GP1BA: variants seen among roughly 807,000 people sequenced by gnomAD.
GP1BA encodes the protein platelet glycoprotein Ib alpha chain.
Under a neutral mutation model 5.6 loss-of-function variants are expected in GP1BA, and 3 were observed. The ratio of observed to expected loss-of-function variants is 0.53; its 90% CI spans 0.24 to 1.38. The LOEUF is 1.38. Ranked by LOEUF, GP1BA falls within the 40% of genes most tolerant of loss-of-function variation. GP1BA has a pLI of 0.16. For synonymous variants in GP1BA, 323 were observed against 358.3 expected, an observed-to-expected ratio of 0.90 and a Z score of 1.11; for missense variants, 707 against 801.4, an observed-to-expected ratio of 0.88 and a Z score of 1.42.
rs1406790840 is a variant in GP1BA, at chr17:4,934,104, G to T, written c.1500G>T (p.Gln500His). 6.2e-7 allele frequency: 1 copy of T among 1,613,752 alleles called. No individual in the cohort carries two copies. The highest frequency in any genetic ancestry group is 1.1e-5 in the South Asian group (1 of 91,086). Residue 500 changes from glutamine (Q) to histidine (H), a missense_variant, in exon 2 of 2, where the codon CAG (glutamine) becomes CAT (histidine). This residue lies in a region of GP1BA where 247 missense variants were observed against 246.6 expected (regional missense o/e 1.00). Transcript: ENST00000329125. ...AAAAAACCATCCCTGAACTTGATCA[G>T]CCACCAAAGCTCCGTGGGGTGCTCC... ...STKKTIPELD[Q>H]PPKLRGVLQG...
Position 4,932,656 on chromosome 17 carries a change from C to G in GP1BA, c.52C>G (p.Pro18Ala). ...GCTGCCAAGCCCCTTACACCCCCAC[C>G]CCATCTGTGAGGTCTCCAAAGTGGC... Reference protein sequence around the residue: ...LLLPSPLHPHPICEVSKVASH... With the variant: ...LLLPSPLHPHAICEVSKVASH... Residue 18 changes from proline (P) to alanine (A), a missense_variant, in exon 2 of 2, where the codon CCC becomes GCC. Transcript: ENST00000329125. The surrounding 1 kb of genome is among the most constrained non-coding windows in gnomAD (Gnocchi z 4.8). The G allele has an allele frequency of 6.2e-7, 1 of 1,613,882 alleles. No homozygotes were observed. Among genetic ancestry groups the G allele is most frequent in the Non-Finnish European group, 8.5e-7 (1 of 1,179,834 alleles).
chr17:4,933,358 G>T lies in GP1BA; in HGVS notation c.754G>T (p.Val252Phe). ...NVYVWKQGVD[V>F]KAMTSNVASV... ...CTACGTATGGAAGCAAGGTGTGGAC[G>T]TCAAGGCCATGACCTCTAACGTGGC... Residue 252 changes from valine (V) to phenylalanine (F), a missense_variant, in exon 2 of 2, where the codon GTC (valine) becomes TTC (phenylalanine). Transcript: ENST00000329125. 1.2e-6 allele frequency: 2 copies of T among 1,613,950 alleles called. No individual in the cohort carries two copies. The highest frequency in any genetic ancestry group is 1.7e-6 in the Non-Finnish European group (2 of 1,179,858).
In GP1BA at chr17:4,933,879, GCC is replaced by G; in HGVS notation, c.1277_1278del (p.Pro426HisfsTer71). 1.1e-6 allele frequency: 1 copy of G among 888,282 alleles called. No individual in the cohort carries two copies. 55.0% of individuals were successfully genotyped at this position (888,282 alleles called of 1,614,324 possible). Reference protein sequence around the residue: ...EPAPSPTTPEPTSEPAPSPTT... With the variant: ...EPAPSPTTPEXTSEPAPSPTT... ...CCGCCCCCAGCCCGACCACCCCGGA[GCC>G]CACCTCAGAGCCCGCCCCCAGCCCG... On this transcript the variant is annotated frameshift_variant, in exon 2 of 2. Transcript: ENST00000329125. LOFTEE classifies it low-confidence loss of function (END_TRUNC).
At position 4,933,895 on chromosome 17, in the gene GP1BA, G is replaced by A. The variant is rs1379346895; in HGVS notation, c.1291G>A (p.Ala431Thr). 7 of 188,526 alleles carry A rather than the reference G, an allele frequency of 3.7e-5. No homozygotes were observed. Among genetic ancestry groups the A allele is most frequent in the Admixed American group, 2.5e-4 (2 of 7,918 alleles). The allele number at this position is 188,526 out of a possible 1,614,324, so 11.7% of individuals were successfully genotyped here. A position where few individuals can be genotyped will look rare whatever the true frequency, so the allele number is the denominator to read the frequency against. ...CACCCCGGAGCCCACCTCAGAGCCC[G>A]CCCCCAGCCCGACCACCCCAGAGCC... ...PTTPEPTSEP[A>T]PSPTTPEPTS... The change falls in exon 2 of 2, where the codon GCC becomes ACC. Residue 431 changes from alanine to threonine, a missense_variant. Coordinates refer to ENST00000329125, the MANE Select transcript of GP1BA (RefSeq NM_000173.7).
rs1015977117 is a variant in GP1BA, at chr17:4,934,123, G to A, written c.1519G>A (p.Val507Met). The change falls in exon 2 of 2, where the codon GTG becomes ATG. Residue 507 changes from valine to methionine, a missense_variant. Around this residue, in one of 3 missense-constraint regions of GP1BA, gnomAD observed 247 missense variants for 246.6 expected, o/e 1.00. Transcript: ENST00000329125. Reference sequence around the variant, plus strand: ...TGATCAGCCACCAAAGCTCCGTGGGGTGCTCCAAGGGCATTTGGAGAGCTC... The same window carrying A: ...TGATCAGCCACCAAAGCTCCGTGGGATGCTCCAAGGGCATTTGGAGAGCTC... ...ELDQPPKLRG[V>M]LQGHLESSRN... The A allele has an allele frequency of 3.1e-6, 5 of 1,613,812 alleles. No individual in the cohort carries two copies. Among genetic ancestry groups the A allele is most frequent in the Admixed American group, 3.3e-5 (2 of 60,030 alleles).
In GP1BA at chr17:4,933,148, G is replaced by A; in HGVS notation, c.544G>A (p.Gly182Arg). Residue 182 changes from glycine to arginine, a missense_variant, in exon 2 of 2, where the codon GGG (glycine) becomes AGG (arginine). Physicochemically the swap from Gly to Arg is moderately radical, Grantham distance 125. Transcript: ENST00000329125. ...CAACAACTTGACTGAGCTCCCCGCT[G>A]GGCTCCTGAATGGGCTGGAGAATCT... The part of the protein sequence containing the change: ...ANNNLTELPA[G>R]LLNGLENLDT... 6.2e-7 allele frequency: 1 copy of A among 1,613,916 alleles called. No homozygotes were observed. Among genetic ancestry groups the A allele is most frequent in the Non-Finnish European group, 8.5e-7 (1 of 1,179,806 alleles).
In GP1BA at chr17:4,934,407, GC is replaced by G; in HGVS notation, c.1804del (p.Leu602PhefsTer21). 1 of 1,614,026 alleles carries G rather than the reference GC, an allele frequency of 6.2e-7. No individual in the cohort carries two copies. Among genetic ancestry groups the G allele is most frequent in the Non-Finnish European group, 8.5e-7 (1 of 1,179,912 alleles). On this transcript the variant is annotated frameshift_variant, in exon 2 of 2. Coordinates refer to ENST00000329125, the MANE Select transcript of GP1BA (RefSeq NM_000173.7). LOFTEE classifies it high-confidence loss of function. Reference protein sequence around the residue: ...RAWLLFLRGSLPTFRSSLFLW... With the variant: ...RAWLLFLRGSXPTFRSSLFLW... ...CCTGGCTGCTCTTCCTTCGAGGTTC[GC>G]TTCCCACTTTCCGCTCCAGCCTCTT...
At position 4,934,445 on chromosome 17, in the gene GP1BA, G is replaced by A. The variant is rs766380572; in HGVS notation, c.1841G>A (p.Arg614Gln). 6.7e-5 allele frequency: 108 copies of A among 1,613,910 alleles called. No individual in the cohort carries two copies. The highest frequency in any genetic ancestry group is 8.5e-5 in the Non-Finnish European group (100 of 1,179,904). Residue 614 changes from arginine to glutamine, a missense_variant, in exon 2 of 2, where the codon CGG becomes CAG. Arg to Gln is a conservative substitution (Grantham distance 43). This residue lies in a region of GP1BA where 247 missense variants were observed against 246.6 expected (regional missense o/e 1.00). Coordinates refer to ENST00000329125, the MANE Select transcript of GP1BA (RefSeq NM_000173.7). ...TFRSSLFLWVRPNGRVGPLVA... is the reference protein window; with the variant it reads ...TFRSSLFLWVQPNGRVGPLVA... Reference sequence around the variant, plus strand: ...CGCTCCAGCCTCTTCCTGTGGGTACGGCCTAATGGCCGTGTGGGGCCTCTA... The same window carrying A: ...CGCTCCAGCCTCTTCCTGTGGGTACAGCCTAATGGCCGTGTGGGGCCTCTA...
Position 4,933,575 on chromosome 17 carries a change from G to A in GP1BA, c.971G>A (p.Gly324Asp). ...FPTKAHTTPW[G>D]LFYSWSTASL... ...ACCAAAGCCCATACAACCCCCTGGG[G>A]TCTATTCTACTCATGGTCCACTGCT... The change falls in exon 2 of 2, where the codon GGT (glycine) becomes GAT (aspartate). Residue 324 changes from glycine (G) to aspartate (D), a missense_variant. By Grantham distance (94) the Gly-to-Asp change is moderately conservative. This residue lies in a region of GP1BA where 442 missense variants were observed against 498.8 expected (regional missense o/e 0.89). Transcript: ENST00000329125. 6.2e-7 allele frequency: 1 copy of A among 1,613,818 alleles called. No individual in the cohort carries two copies. Among genetic ancestry groups the A allele is most frequent in the South Asian group, 1.1e-5 (1 of 91,082 alleles).
rs1970382293 is a variant in GP1BA at position 4,933,901 on chromosome 17, AGCCCGACCACCCCAGAGCCCACC to A, written c.1298_1320del (p.Ser433IlefsTer57). 1 of 149,872 alleles carries A rather than the reference AGCCCGACCACCCCAGAGCCCACC, an allele frequency of 6.7e-6. No homozygotes were observed. The highest frequency in any genetic ancestry group is 9.8e-6 in the Non-Finnish European group (1 of 101,776). The allele number at this position is 149,872 out of a possible 1,614,324, so 9.3% of individuals were successfully genotyped here. On this transcript the variant is annotated frameshift_variant, in exon 2 of 2. Transcript: ENST00000329125. LOFTEE classifies it low-confidence loss of function (END_TRUNC). ...GGAGCCCACCTCAGAGCCCGCCCCCAGCCCGACCACCCCAGAGCCCACCTCAGAGCCCGCCCCCAGCCCGACCA... is the reference window on the plus strand; with the variant it reads ...GGAGCCCACCTCAGAGCCCGCCCCCATCAGAGCCCGCCCCCAGCCCGACCA...
rs368946807 is a variant in GP1BA at position 4,933,827 on chromosome 17, C to A, written c.1223C>A (p.Pro408Gln). The A allele has an allele frequency of 6.7e-7, 1 of 1,496,326 alleles. No individual in the cohort carries two copies. Among genetic ancestry groups the A allele is most frequent in the South Asian group, 1.3e-5 (1 of 77,556 alleles). The allele number at this position is 1,496,326 out of a possible 1,614,324, so 92.7% of individuals were successfully genotyped here. ...ACCACCCTGGAGCCCACTCCAAGCCCGACCACCCCAGAGCCCACCTCAGAG... is the reference window on the plus strand; with the variant it reads ...ACCACCCTGGAGCCCACTCCAAGCCAGACCACCCCAGAGCCCACCTCAGAG... ...NMTTLEPTPS[P>Q]TTPEPTSEPA... Residue 408 changes from proline to glutamine, a missense_variant, in exon 2 of 2, where the codon CCG (proline) becomes CAG (glutamine). Coordinates refer to ENST00000329125, the MANE Select transcript of GP1BA (RefSeq NM_000173.7).
chr17:4,932,629 C>A lies in GP1BA; in HGVS notation c.25C>A (p.Leu9Met). Residue 9 changes from leucine to methionine, a missense_variant, in exon 2 of 2, where the codon CTG becomes ATG. Leu to Met is a conservative substitution (Grantham distance 15). Coordinates refer to ENST00000329125, the MANE Select transcript of GP1BA (RefSeq NM_000173.7). This position sits in a 1 kb window ranked among gnomAD's most constrained non-coding sequence, Gnocchi z 4.8. ...CATGCCTCTCCTCCTCTTGCTGCTCCTGCTGCCAAGCCCCTTACACCCCCA... is the reference window on the plus strand; with the variant it reads ...CATGCCTCTCCTCCTCTTGCTGCTCATGCTGCCAAGCCCCTTACACCCCCA... The part of the protein sequence containing the change: MPLLLLLL[L>M]LPSPLHPHPI... The A allele has an allele frequency of 6.2e-7, 1 of 1,613,624 alleles. No individual in the cohort carries two copies. The highest frequency in any genetic ancestry group is 8.5e-7 in the Non-Finnish European group (1 of 1,179,618).
Position 4,932,291 on chromosome 17 carries a change from C to T in GP1BA, c.-81C>T. On this transcript the variant is annotated 5_prime_UTR_variant, in exon 1 of 2. Transcript: ENST00000329125. The surrounding 1 kb of genome is among the most constrained non-coding windows in gnomAD (Gnocchi z 4.8). Reference sequence around the variant, plus strand: ...GCCACTGGCTTAGTCCTCCATGGGGCTAGAAGAGAGAAGGACGGAGTCGAG... The same window carrying T: ...GCCACTGGCTTAGTCCTCCATGGGGTTAGAAGAGAGAAGGACGGAGTCGAG... The T allele has an allele frequency of 8.2e-7, 1 of 1,215,940 alleles. No homozygotes were observed. The highest frequency in any genetic ancestry group is 1.0e-6 in the Non-Finnish European group (1 of 966,512). 75.3% of individuals were successfully genotyped at this position (1,215,940 alleles called of 1,614,324 possible).
Position 4,932,946 on chromosome 17 carries a change from A to G in GP1BA, c.342A>G (p.Thr114=). 1 of 1,614,008 alleles carries G rather than the reference A, an allele frequency of 6.2e-7. No individual in the cohort carries two copies. Among genetic ancestry groups the G allele is most frequent in the Non-Finnish European group, 8.5e-7 (1 of 1,179,882 alleles). The change falls in exon 2 of 2, where the codon ACA becomes ACG. Residue 114 remains threonine, a synonymous_variant. Coordinates refer to ENST00000329125, the MANE Select transcript of GP1BA (RefSeq NM_000173.7). The surrounding 1 kb of genome is among the most constrained non-coding windows in gnomAD (Gnocchi z 4.8). ...QLQSLPLLGQ[T]LPALTVLDVS... ...AAAGCCTGCCCTTGCTAGGGCAGACACTGCCTGCTCTCACCGTCCTGGACG... is the reference window on the plus strand; with the variant it reads ...AAAGCCTGCCCTTGCTAGGGCAGACGCTGCCTGCTCTCACCGTCCTGGACG...
rs1467616638 is a variant in GP1BA at position 4,932,472 on chromosome 17, G to C, written c.-7+107G>C. 1 of 1,285,836 alleles carries C rather than the reference G, an allele frequency of 7.8e-7. No homozygotes were observed. The highest frequency in any genetic ancestry group is 1.0e-6 in the Non-Finnish European group (1 of 959,308). The allele number at this position is 1,285,836 out of a possible 1,614,324, so 79.7% of individuals were successfully genotyped here. On this transcript the variant is annotated intron_variant, in intron 1 of 1. Coordinates refer to ENST00000329125, the MANE Select transcript of GP1BA (RefSeq NM_000173.7). The surrounding 1 kb of genome is among the most constrained non-coding windows in gnomAD (Gnocchi z 4.8). ...TTCTGCAGGCAAGGGTGGGAGATGG[G>C]AGTAGGGAGGACAGGAGGTGTGGAT...
rs755360664 is a variant in GP1BA, at chr17:4,934,057, G to A, written c.1453G>A (p.Val485Ile). 7.9e-5 allele frequency: 128 copies of A among 1,613,254 alleles called. No individual in the cohort carries two copies. The highest frequency in any genetic ancestry group is 4.5e-4 in the Admixed American group (27 of 59,968). Residue 485 changes from valine (V) to isoleucine (I), a missense_variant, in exon 2 of 2, where the codon GTA (valine) becomes ATA (isoleucine). Physicochemically the swap from Val to Ile is conservative, Grantham distance 29 (BLOSUM62 3). This residue lies in a region of GP1BA where 247 missense variants were observed against 246.6 expected (regional missense o/e 1.00). Coordinates refer to ENST00000329125, the MANE Select transcript of GP1BA (RefSeq NM_000173.7). ...CACATTTTTAACTACCACAAAACCC[G>A]TATCACTCTTAGAATCCACCAAAAA... ...KSTFLTTTKP[V>I]SLLESTKKTI...
chr17:4,932,801 C>A lies in GP1BA; in HGVS notation c.197C>A (p.Thr66Asn), dbSNP rs757831948. 6.2e-7 allele frequency: 1 copy of A among 1,614,040 alleles called. No homozygotes were observed. The highest frequency in any genetic ancestry group is 8.5e-7 in the Non-Finnish European group (1 of 1,179,888). ...CTCCTGTACACCTTCTCCCTGGCAACCCTGATGCCTTACACTCGCCTCACT... is the reference window on the plus strand; with the variant it reads ...CTCCTGTACACCTTCTCCCTGGCAAACCTGATGCCTTACACTCGCCTCACT... ...ENLLYTFSLA[T>N]LMPYTRLTQL... The change falls in exon 2 of 2, where the codon ACC becomes AAC. Residue 66 changes from threonine to asparagine, a missense_variant. By Grantham distance (65) the Thr-to-Asn change is moderately conservative (BLOSUM62 0). Around this residue, in one of 3 missense-constraint regions of GP1BA, gnomAD observed 442 missense variants for 498.8 expected, o/e 0.89. Transcript: ENST00000329125. This position sits in a 1 kb window ranked among gnomAD's most constrained non-coding sequence, Gnocchi z 4.8.
At position 4,932,465 on chromosome 17, in the gene GP1BA, G is replaced by T; in HGVS notation, c.-7+100G>T. On this transcript the variant is annotated intron_variant, in intron 1 of 1. Coordinates refer to ENST00000329125, the MANE Select transcript of GP1BA (RefSeq NM_000173.7). The surrounding 1 kb of genome is among the most constrained non-coding windows in gnomAD (Gnocchi z 4.8). The stretch of plus-strand genomic sequence containing the variant: ...TTTTAAGTTCTGCAGGCAAGGGTGG[G>T]AGATGGGAGTAGGGAGGACAGGAGG... The T allele has an allele frequency of 7.7e-7, 1 of 1,292,530 alleles. No individual in the cohort carries two copies. Among genetic ancestry groups the T allele is most frequent in the South Asian group, 1.6e-5 (1 of 64,254 alleles). 80.1% of individuals were successfully genotyped at this position (1,292,530 alleles called of 1,614,324 possible).
chr17:4,933,276 A>G lies in GP1BA; in HGVS notation c.672A>G (p.Leu224=). The G allele has an allele frequency of 1.2e-6, 2 of 1,613,994 alleles. No homozygotes were observed. The highest frequency in any genetic ancestry group is 1.7e-6 in the Non-Finnish European group (2 of 1,179,876). ...CTTTTCTCCACGGGAACCCCTGGTT[A>G]TGCAACTGTGAGATCCTCTATTTTC... ...PFAFLHGNPW[L]CNCEILYFRR... is the part of the protein sequence containing the mutation. Residue 224 remains leucine (L), a synonymous_variant, in exon 2 of 2, where the codon TTA becomes TTG. Coordinates refer to ENST00000329125, the MANE Select transcript of GP1BA (RefSeq NM_000173.7).
Sources: allele counts gnomAD v4.1 joint callset, GRCh38; gene constraint gnomAD v4.1.1; regional missense constraint gnomAD v4.1.1; non-coding constraint Gnocchi (gnomAD v3.1); transcripts MANE v1.5; gene names NCBI Gene and HGNC (gene_info 2026-07-23, HGNC 2026-07-21).